Variants in LEKR1 observed in about 807,000 individuals in gnomAD.
LEKR1 encodes the protein leucine, glutamate and lysine rich 1.
In LEKR1, 59 loss-of-function variants were observed where a neutral mutation model predicts 72.4. The ratio of observed to expected loss-of-function variants is 0.82; its 90% CI spans 0.66 to 1.01. The LOEUF is 1.01. LEKR1 is among the 50% of genes least tolerant of loss of function. The probability of loss-of-function intolerance (pLI) is 0.00; values close to 1 mark genes in which losing one functional copy is unlikely to be tolerated. For synonymous variants in LEKR1, 257 were observed against 263.2 expected (o/e 0.98, Z 0.23); for missense variants, 728 against 759.2 (o/e 0.96, Z 0.48).
chr3:156,884,058 A>G (rs558942068), intron 3 of LEKR1, among the ~76,000 whole-genome samples: 73 of 152,312 alleles, frequency 4.8e-4, no homozygotes, highest in African/African-American at 1.6e-3. Context: ...TTGTTGCTTT[A>G]ACATCAGTTT....
At chr3:156,925,050 G>A (rs1235610952) in intron 4 of LEKR1, 1 of 151,988 alleles carries the variant, frequency 6.6e-6, no homozygotes, top group Non-Finnish European at 1.5e-5. Context: ...TAAAATTTTT[G>A]TATCTTTCAA....
chr3:156,985,462 C>T (rs1451998142), intron 7 of LEKR1, among the ~76,000 whole-genome samples: 1 of 152,178 alleles, frequency 6.6e-6, no homozygotes, highest in African/African-American at 2.4e-5. Flanking sequence ...AGAATAACGG[C>T]TCCCCAAAGA....
chr3:156,883,266 G>C (rs1719675035), intron 3 of LEKR1, among the ~76,000 whole-genome samples: 1 of 152,018 alleles, frequency 6.6e-6, no homozygotes, highest in African/African-American at 2.4e-5. Flanking sequence ...ATTTGGAATG[G>C]GTGTATTTAC....
rs1486751196 is a variant in LEKR1 at position 157,045,758 on chromosome 3, T to C, written c.*8T>C. On this transcript the variant is annotated 3_prime_UTR_variant, in exon 13 of 13. Coordinates refer to ENST00000356539, the MANE Select transcript of LEKR1 (RefSeq NM_001004316.3). ...AGGCGGAGTCAGCAATGATCCAAAA[T>C]GAGGAGCAGGAAGCTCCCTACAGCG... 1.2e-6 allele frequency: 2 copies of C among 1,604,482 alleles called. No homozygotes were observed. Among genetic ancestry groups the C allele is most frequent in the South Asian group, 1.1e-5 (1 of 91,046 alleles).
intron 3 of LEKR1, among the ~76,000 whole-genome samples, chr3:156,861,172 G>T (rs1466397958): frequency 6.6e-6 from 1 of 152,094 alleles, no homozygotes; most frequent in African/African-American, 2.4e-5. Context: ...TTTCTCCAGA[G>T]TATAATGTGT....
At chr3:156,892,380 C>T (rs531088609) in intron 3 of LEKR1, among the ~76,000 whole-genome samples, 44 of 152,156 alleles carry the variant, frequency 2.9e-4, no homozygotes, top group Non-Finnish European at 5.1e-4. Context: ...ACGAAATTCT[C>T]GGGGCAATTT....
At chr3:157,009,554 C>G (rs910350776) in intron 9 of LEKR1, among the ~76,000 whole-genome samples, 1 of 152,040 alleles carries the variant, frequency 6.6e-6, no homozygotes, top group African/African-American at 2.4e-5. Flanking sequence ...AGATGTGAAC[C>G]TAAATCTATC....
intron 3 of LEKR1, among the ~76,000 whole-genome samples, chr3:156,911,020 T>A (rs1723056323): frequency 6.6e-6 from 1 of 152,196 alleles, no homozygotes; most frequent in African/African-American, 2.4e-5. Context: ...TTTTTAATAA[T>A]AGCCATTCTG....
At chr3:156,976,513 T>C (rs1202123782) in intron 6 of LEKR1, among the ~76,000 whole-genome samples, 1 of 151,976 alleles carries the variant, frequency 6.6e-6, no homozygotes, top group East Asian at 1.9e-4. Flanking sequence ...TTTTATTAAC[T>C]ATAATATATA....
intron 3 of LEKR1, among the ~76,000 whole-genome samples, chr3:156,894,820 T>A (rs1295316041): frequency 6.6e-6 from 1 of 152,212 alleles, no homozygotes. Context: ...TAAATGCTGC[T>A]GGAATAACTG....
intron 10 of LEKR1, among the ~76,000 whole-genome samples, chr3:157,021,653 G>A (rs552225618): frequency 7.9e-5 from 12 of 152,174 alleles, no homozygotes; most frequent in African/African-American, 2.4e-4. Context: ...GAAAGATGTC[G>A]TTTTGTCCTA....
chr3:156,933,089 T>C (rs1233280232), intron 5 of LEKR1, among the ~76,000 whole-genome samples: 3 of 152,138 alleles, frequency 2.0e-5, no homozygotes, highest in Non-Finnish European at 4.4e-5. Flanking sequence ...TGCTAGTCGC[T>C]AGTCATATTC....
chr3:157,043,126 T>C (rs1467598026), intron 12 of LEKR1, among the ~76,000 whole-genome samples: 1 of 152,216 alleles, frequency 6.6e-6, no homozygotes, highest in Non-Finnish European at 1.5e-5. Flanking sequence ...CCATGTAAGA[T>C]GCATCATTAT....
intron 6 of LEKR1, among the ~76,000 whole-genome samples, chr3:156,964,672 G>T (rs1057347399): frequency 6.6e-6 from 1 of 152,024 alleles, no homozygotes; most frequent in Admixed American, 6.6e-5. Flanking sequence ...AAAGTGTTCA[G>T]AAAGAAGAGT....
chr3:156,997,948 GTCT>G (rs1046009391), intron 9 of LEKR1, among the ~76,000 whole-genome samples: 42 of 152,312 alleles, frequency 2.8e-4, no homozygotes, highest in African/African-American at 9.9e-4. Context: ...AAAGAAGTAG[GTCT>G]TCTCGAATCA....
At chr3:156,855,940 T>A (rs1226873712) in intron 3 of LEKR1, among the ~76,000 whole-genome samples, 1 of 152,088 alleles carries the variant, frequency 6.6e-6, no homozygotes, top group East Asian at 1.9e-4. Flanking sequence ...TTCCACCCCC[T>A]TAGCCTGATG....
At chr3:157,003,044 G>T (rs927416083) in intron 9 of LEKR1, among the ~76,000 whole-genome samples, 1 of 152,106 alleles carries the variant, frequency 6.6e-6, no homozygotes, top group Non-Finnish European at 1.5e-5. Flanking sequence ...TTATAGTAAA[G>T]GTAGCTTCTA....
chr3:157,015,999 A>C (rs938805757), intron 10 of LEKR1, among the ~76,000 whole-genome samples: 6 of 152,172 alleles, frequency 3.9e-5, no homozygotes, highest in Non-Finnish European at 7.4e-5. Flanking sequence ...AGACACAGCA[A>C]TAGAAAAACT....
intron 7 of LEKR1, chr3:156,980,089 AATT>A (rs1486186282): frequency 4.7e-4 from 72 of 152,340 alleles, no homozygotes; most frequent in African/African-American, 1.6e-3. Context: ...GTATATCTAT[AATT>A]ATAATACTAA....
Sources: allele counts gnomAD v4.1 joint callset (sites outside exome capture counted in the v4.1 genomes callset), GRCh38; gene constraint gnomAD v4.1.1; transcripts MANE v1.5; gene names NCBI Gene and HGNC (gene_info 2026-07-23, HGNC 2026-07-21).